The following ZNF385D variants were observed in gnomAD, a reference collection of about 807,000 sequenced individuals.
The protein encoded by ZNF385D is zinc finger protein 659.
A neutral mutation model predicts 35.8 loss-of-function variants in ZNF385D; 15 were observed. The observed-to-expected ratio is 0.42, with a 90% CI of 0.28 to 0.64. The LOEUF is 0.64. ZNF385D is among the 30% of genes least tolerant of loss of function. ZNF385D has a pLI of 0.23. For synonymous variants in ZNF385D, 212 were observed against 186.8 expected, an observed-to-expected ratio of 1.13 and a Z score of -1.10; for missense variants, 474 against 494.6, an observed-to-expected ratio of 0.96 and a Z score of 0.39.
intron 2 of ZNF385D, among the ~76,000 whole-genome samples, chr3:22,239,518 A>G (rs1425823353): frequency 6.7e-6 from 1 of 148,738 alleles, no homozygotes; most frequent in African/African-American, 2.6e-5. Flanking sequence ...CCACATATAC[A>G]AAATACATAT....
chr3:21,552,049 T>C (rs1214738782), intron 3 of ZNF385D, among the ~76,000 whole-genome samples: 2 of 152,180 alleles, frequency 1.3e-5, no homozygotes, highest in Non-Finnish European at 2.9e-5. Context: ...GCAAAACTAC[T>C]TTCCTATGTG....
chr3:22,171,037 G>A (rs934363182), intron 2 of ZNF385D, among the ~76,000 whole-genome samples: 1 of 152,192 alleles, frequency 6.6e-6, no homozygotes, highest in Non-Finnish European at 1.5e-5. Flanking sequence ...TTCATTCTGA[G>A]TGGCAAGATT....
chr3:21,941,802 A>C (rs1046369868), intron 3 of ZNF385D, among the ~76,000 whole-genome samples: 2 of 136,466 alleles, frequency 1.5e-5, no homozygotes, highest in African/African-American at 2.8e-5. Context: ...CGGCCTCTTT[A>C]ATTTCTGTGT....
intron 2 of ZNF385D, among the ~76,000 whole-genome samples, chr3:22,228,218 G>T (rs1427220523): frequency 6.6e-6 from 1 of 152,204 alleles, no homozygotes; most frequent in African/African-American, 2.4e-5. Flanking sequence ...TAACCCTACA[G>T]AGATGTAATG....
At chr3:22,001,693 A>T (rs1442444477) in intron 3 of ZNF385D, among the ~76,000 whole-genome samples, 1 of 152,088 alleles carries the variant, frequency 6.6e-6, no homozygotes, top group South Asian at 2.1e-4. Context: ...TTAGCATAGG[A>T]AACATTCTTT....
At chr3:21,785,128 G>A (rs1575645414) in intron 3 of ZNF385D, among the ~76,000 whole-genome samples, 1 of 152,038 alleles carries the variant, frequency 6.6e-6, no homozygotes, top group African/African-American at 2.4e-5. Context: ...GAAAATGGAG[G>A]ATAAAAGCTT....
chr3:22,336,500 C>A (rs6806539), intron 2 of ZNF385D, among the ~76,000 whole-genome samples: 20,381 of 151,948 alleles, frequency 0.13, 3,113 homozygotes, highest in African/African-American at 0.38. Flanking sequence ...ACTTTTGCTA[C>A]AGAAGTCCAA....
chr3:22,080,263 C>G (rs1280050003), intron 3 of ZNF385D, among the ~76,000 whole-genome samples: 2 of 152,018 alleles, frequency 1.3e-5, no homozygotes, highest in Non-Finnish European at 2.9e-5. Flanking sequence ...TCTAAAAGCA[C>G]CAAAGTTCTA....
chr3:21,561,733 GT>G (rs1441638583), intron 3 of ZNF385D, among the ~76,000 whole-genome samples: 5 of 152,114 alleles, frequency 3.3e-5, no homozygotes, highest in Non-Finnish European at 7.4e-5. Flanking sequence ...CACACACAAC[GT>G]TTATTAATTA....
rs538506343 is a variant in ZNF385D, at chr3:22,253,474, T to A, written c.107-84439A>T. Reference sequence around the variant, plus strand: ...TTAGCCATCTATTCAGTTATGAAGATTAGAGAGTTTTCAATCAATACACTT... The same window carrying A: ...TTAGCCATCTATTCAGTTATGAAGAATAGAGAGTTTTCAATCAATACACTT... On this transcript the variant is annotated intron_variant, in intron 2 of 5. Transcript: ENST00000494108. Among the ~76,000 whole-genome samples, 5 of 152,064 alleles carry A rather than the reference T, an allele frequency of 3.3e-5. No homozygotes were observed. The South Asian group carries it at 1.0e-3, about 32-fold the overall frequency.
intron 1 of ZNF385D, among the ~76,000 whole-genome samples, chr3:21,724,365 T>C (rs111466843): frequency 0.056 from 8,435 of 151,158 alleles, 327 homozygotes; most frequent in South Asian, 0.12. Context: ...GCACATTGCA[T>C]AGAGTCAAGA....
intron 4 of ZNF385D, among the ~76,000 whole-genome samples, chr3:21,455,738 TG>T (rs1271792939): frequency 6.6e-6 from 1 of 152,036 alleles, no homozygotes; most frequent in East Asian, 1.9e-4. Context: ...AATTGACAAA[TG>T]GGACCTAATT....
rs200803155 is a variant in ZNF385D, at chr3:21,724,477, CAAAAAAAAAAAAAAA to C, written c.22+26403_22+26417del. ...AATATTTACCAAGCAAATGGAAAGCCAAAAAAAAAAAAAAAAAAAAAAAAAAAAAAAAAAAAAAAA... is the reference window on the plus strand; with the variant it reads ...AATATTTACCAAGCAAATGGAAAGCCAAAAAAAAAAAAAAAAAAAAAAAAA... On this transcript the variant is annotated intron_variant, in intron 1 of 7. Coordinates refer to ENST00000281523, the MANE Select transcript of ZNF385D (RefSeq NM_024697.3). Among the ~76,000 whole-genome samples the C allele has an allele frequency of 8.5e-4, 44 of 52,022 alleles. 2 individuals carry two copies. Among genetic ancestry groups the C allele is most frequent in the South Asian group, 4.4e-3 (5 of 1,126 alleles). The allele number at this position is 52,022 out of a possible 152,430, so 34.1% of individuals were successfully genotyped here.
chr3:21,573,963 G>C (rs890012711), intron 2 of ZNF385D, among the ~76,000 whole-genome samples: 1 of 150,834 alleles, frequency 6.6e-6, no homozygotes, highest in African/African-American at 2.4e-5. Context: ...GGGAGGCTGA[G>C]TCAGGAGAAT....
intron 3 of ZNF385D, among the ~76,000 whole-genome samples, chr3:21,512,419 T>C (rs1707282682): frequency 6.6e-6 from 1 of 152,176 alleles, no homozygotes; most frequent in Non-Finnish European, 1.5e-5. Flanking sequence ...CAAAAAATAA[T>C]AATCACATTG....
intron 3 of ZNF385D, among the ~76,000 whole-genome samples, chr3:22,108,842 G>C (rs1418230204): frequency 2.0e-5 from 3 of 152,032 alleles, no homozygotes; most frequent in Admixed American, 6.6e-5. Context: ...GTGAAACCCT[G>C]TCTCTACTAA....
intron 3 of ZNF385D, among the ~76,000 whole-genome samples, chr3:22,124,392 G>C (rs1703304519): frequency 1.3e-5 from 2 of 152,116 alleles, no homozygotes; most frequent in African/African-American, 4.8e-5. Flanking sequence ...AAAATCATGG[G>C]AGTGCAGATA....
At chr3:22,061,509 A>T (rs763541621) in intron 3 of ZNF385D, among the ~76,000 whole-genome samples, 2 of 151,986 alleles carry the variant, frequency 1.3e-5, no homozygotes, top group Non-Finnish European at 2.9e-5. Flanking sequence ...ATACCAGATT[A>T]TGTCACTCTT....
At chr3:22,137,013 T>C (rs1051442513) in intron 3 of ZNF385D, among the ~76,000 whole-genome samples, 18 of 152,180 alleles carry the variant, frequency 1.2e-4, no homozygotes, top group Non-Finnish European at 2.2e-4. Flanking sequence ...ATATATATCA[T>C]TTAGCATTTG....
Sources: allele counts gnomAD v4.1 joint callset (sites outside exome capture counted in the v4.1 genomes callset), GRCh38; gene constraint gnomAD v4.1.1; transcripts MANE v1.5; gene names NCBI Gene and HGNC (gene_info 2026-07-23, HGNC 2026-07-21).